Variants in JPH1 observed in about 807,000 individuals in gnomAD.
The protein encoded by JPH1 is junctophilin 1, also known as junctophilin-1.
A neutral mutation model predicts 53.6 loss-of-function variants in JPH1; 12 were observed. That is an observed-to-expected ratio of 0.22 (90% CI 0.14 to 0.36). The LOEUF is 0.36. JPH1 is among the 10% of genes least tolerant of loss of function. The probability of loss-of-function intolerance (pLI) is 1.00; values close to 1 mark genes in which losing one functional copy is unlikely to be tolerated. For synonymous variants in JPH1, 375 were observed against 363.8 expected (o/e 1.03, Z -0.35); for missense variants, 808 against 905.5 (o/e 0.89, Z 1.38).
At chr8:74,266,632 TCTA>T (rs1806540753) in intron 2 of JPH1, among the ~76,000 whole-genome samples, 1 of 152,190 alleles carries the variant, frequency 6.6e-6, no homozygotes, top group Admixed American at 6.5e-5. Flanking sequence ...GCAATGTGGG[TCTA>T]CTACTATTGA....
intron 2 of JPH1, among the ~76,000 whole-genome samples, chr8:74,263,561 T>G (rs182798201): frequency 1.1e-3 from 170 of 152,326 alleles, no homozygotes; most frequent in Non-Finnish European, 2.2e-3. Flanking sequence ...CCTTGACAAC[T>G]CCCGTTCTCT....
intron 2 of JPH1, among the ~76,000 whole-genome samples, chr8:74,287,324 A>G (rs1249130921): frequency 6.6e-6 from 1 of 152,012 alleles, no homozygotes; most frequent in African/African-American, 2.4e-5. Context: ...GCTACTTGGG[A>G]GGCGGAGACA....
At chr8:74,310,112 C>A (rs1807948234) in intron 2 of JPH1, among the ~76,000 whole-genome samples, 1 of 152,112 alleles carries the variant, frequency 6.6e-6, no homozygotes, top group Non-Finnish European at 1.5e-5. Context: ...TGGCTCCACT[C>A]TCCTCAGTTC....
At chr8:74,256,435 T>G (rs1328595095) in intron 3 of JPH1, among the ~76,000 whole-genome samples, 1 of 151,510 alleles carries the variant, frequency 6.6e-6, no homozygotes, top group Non-Finnish European at 1.5e-5. Context: ...GAGATATACC[T>G]AATGCTAAAT....
chr8:74,242,875 G>GT (rs375846415), intron 4 of JPH1, among the ~76,000 whole-genome samples: 26 of 152,316 alleles, frequency 1.7e-4, no homozygotes, highest in African/African-American at 5.5e-4. Context: ...TAAAACAGAT[G>GT]TTTTTTCTAA....
chr8:74,306,446 A>C (rs1331258505), intron 2 of JPH1, among the ~76,000 whole-genome samples: 1 of 152,192 alleles, frequency 6.6e-6, no homozygotes, highest in African/African-American at 2.4e-5. Flanking sequence ...TTCTTTGATA[A>C]AGAAGAGAAA....
intron 2 of JPH1, among the ~76,000 whole-genome samples, chr8:74,298,603 C>T (rs1807586301): frequency 6.6e-6 from 1 of 152,174 alleles, no homozygotes; most frequent in South Asian, 2.1e-4. Flanking sequence ...TAATTGTCCT[C>T]TTCTCTTGCC....
At chr8:74,287,833 C>T (rs907788154) in intron 2 of JPH1, among the ~76,000 whole-genome samples, 2 of 151,352 alleles carry the variant, frequency 1.3e-5, no homozygotes, top group South Asian at 2.1e-4. Flanking sequence ...AACAAAATAA[C>T]TTTTTTTTTG....
intron 2 of JPH1, among the ~76,000 whole-genome samples, chr8:74,286,187 C>G (rs1807158413): frequency 6.6e-6 from 1 of 152,214 alleles, no homozygotes; most frequent in Admixed American, 6.5e-5. Context: ...TTGACTGTCA[C>G]CTTACACATT....
At chr8:74,265,705 G>A (rs1422394147) in intron 2 of JPH1, among the ~76,000 whole-genome samples, 1 of 152,106 alleles carries the variant, frequency 6.6e-6, no homozygotes, top group Non-Finnish European at 1.5e-5. Flanking sequence ...GGGAGAAAAT[G>A]TTTGCAAATC....
intron 2 of JPH1, among the ~76,000 whole-genome samples, chr8:74,279,392 T>TA (rs2131417299): frequency 6.6e-6 from 1 of 152,340 alleles, no homozygotes; most frequent in South Asian, 2.1e-4. Flanking sequence ...CAGCAGTTTT[T>TA]ACTTCCTCGG....
intron 2 of JPH1, among the ~76,000 whole-genome samples, chr8:74,263,732 T>C (rs768324956): frequency 1.3e-5 from 2 of 152,210 alleles, no homozygotes; most frequent in Non-Finnish European, 2.9e-5. Context: ...GCCATTTTAT[T>C]TCCTTCCACA....
intron 2 of JPH1, among the ~76,000 whole-genome samples, chr8:74,295,131 G>A (rs1028942573): frequency 6.6e-6 from 1 of 152,114 alleles, no homozygotes; most frequent in Non-Finnish European, 1.5e-5. Flanking sequence ...CCTCTGCTTG[G>A]AAAGCTTTTC....
At chr8:74,262,688 C>G (rs1001825079) in intron 2 of JPH1, among the ~76,000 whole-genome samples, 6 of 152,204 alleles carry the variant, frequency 3.9e-5, no homozygotes, top group Non-Finnish European at 7.3e-5. Context: ...TCTTTTAGGG[C>G]TATATATTTT....
intron 2 of JPH1, among the ~76,000 whole-genome samples, chr8:74,266,162 T>C (rs1806525760): frequency 6.6e-6 from 1 of 152,052 alleles, no homozygotes; most frequent in Non-Finnish European, 1.5e-5. Flanking sequence ...CAAAGTGATA[T>C]TTATACACCC....
In JPH1 at chr8:74,244,598, A is replaced by T; in HGVS notation, c.1836T>A (p.Ser612=). 1.2e-6 allele frequency: 2 copies of T among 1,614,190 alleles called. No individual in the cohort carries two copies. Among genetic ancestry groups the T allele is most frequent in the Non-Finnish European group, 1.7e-6 (2 of 1,180,036 alleles). ...CTGGATTCTTTGGTATAGCAAGTTC[A>T]GACTTCTTAGCTTTTGGCTCAGCTT... ...ESKAEPKAKK[S]ELAIPKNPAS... Residue 612 remains serine, a synonymous_variant, in exon 4 of 6, where the codon TCT becomes TCA. Transcript: ENST00000342232.
At chr8:74,245,423 CAA>C in intron 3 of JPH1, among the ~76,000 whole-genome samples, 1 of 152,214 alleles carries the variant, frequency 6.6e-6, no homozygotes, top group South Asian at 2.1e-4. Context: ...AATACAGAGG[CAA>C]AATTCATGTT....
chr8:74,306,272 T>C (rs1807830968), intron 2 of JPH1, among the ~76,000 whole-genome samples: 1 of 152,134 alleles, frequency 6.6e-6, no homozygotes, highest in African/African-American at 2.4e-5. Flanking sequence ...CTAGGTCATC[T>C]TTCCAGTTTC....
intron 2 of JPH1, among the ~76,000 whole-genome samples, chr8:74,310,716 T>G (rs754462671): frequency 6.6e-5 from 10 of 152,152 alleles, no homozygotes; most frequent in Non-Finnish European, 1.0e-4. Context: ...CCAAAGACAG[T>G]TTGTTCTGTG....
Sources: allele counts gnomAD v4.1 joint callset (sites outside exome capture counted in the v4.1 genomes callset), GRCh38; gene constraint gnomAD v4.1.1; transcripts MANE v1.5; gene names NCBI Gene and HGNC (gene_info 2026-07-23, HGNC 2026-07-21).